The following PTPN9 variants were observed in gnomAD, a reference collection of about 807,000 sequenced individuals.
The protein encoded by PTPN9 is protein tyrosine phosphatase non-receptor type 9, also known as tyrosine-protein phosphatase non-receptor type 9.
PTPN9 carries 26 observed loss-of-function variants against 69.8 expected under a neutral mutation model. The ratio of observed to expected loss-of-function variants is 0.37; its 90% confidence interval spans 0.27 to 0.52. The LOEUF (loss-of-function observed/expected upper bound fraction) is 0.52. PTPN9 is among the 20% of genes least tolerant of loss of function. The pLI is 0.91. For synonymous variants in PTPN9, 274 were observed against 272.5 expected (o/e 1.01, Z -0.05); for missense variants, 549 against 740.3 (o/e 0.74, Z 3.00).
chr15:75,501,270 C>T (rs1281458845), intron 7 of PTPN9, among the ~76,000 whole-genome samples: 2 of 152,098 alleles, frequency 1.3e-5, no homozygotes, highest in East Asian at 3.9e-4. Context: ...AACATTTAAG[C>T]TACAAAGGTA....
At chr15:75,485,944 C>CA (rs1289012343) in intron 8 of PTPN9, among the ~76,000 whole-genome samples, 1 of 150,878 alleles carries the variant, frequency 6.6e-6, no homozygotes, top group Non-Finnish European at 1.5e-5. Flanking sequence ...ACTAAAAATA[C>CA]AAAAAATTAG....
intron 1 of PTPN9, among the ~76,000 whole-genome samples, chr15:75,539,914 G>T (rs1009990916): frequency 6.6e-6 from 1 of 152,118 alleles, no homozygotes; most frequent in African/African-American, 2.4e-5. Context: ...CAAGTAATCC[G>T]CCTCAAGCAA....
At chr15:75,567,445 G>C (rs1319707664) in intron 1 of PTPN9, among the ~76,000 whole-genome samples, 1 of 152,168 alleles carries the variant, frequency 6.6e-6, no homozygotes, top group East Asian at 1.9e-4. Context: ...GTAAAGATTA[G>C]CTAGGTGTTC....
chr15:75,545,679 C>A (rs904167885), intron 1 of PTPN9, among the ~76,000 whole-genome samples: 1 of 152,168 alleles, frequency 6.6e-6, no homozygotes, highest in Non-Finnish European at 1.5e-5. Flanking sequence ...GTGGCTCATG[C>A]CTGTAATCCC....
chr15:75,541,387 T>TTTA (rs991681305), intron 1 of PTPN9, among the ~76,000 whole-genome samples: 20 of 150,658 alleles, frequency 1.3e-4, no homozygotes, highest in Non-Finnish European at 2.5e-4. Flanking sequence ...CTGCCCTCAT[T>TTTA]TTATTATTAT....
intron 11 of PTPN9, 123 bp downstream of exon 11, chr15:75,470,553 GTCCC>G (rs1257808236): frequency 1.7e-6 from 2 of 1,154,342 alleles, no homozygotes; most frequent in Non-Finnish European, 2.5e-6. Context: ...TCCTCATCCT[GTCCC>G]TAGAAAAACA....
At chr15:75,505,654 G>A (rs988021266) in intron 7 of PTPN9, 21 bp downstream of exon 7, 12 of 1,592,202 alleles carry the variant, frequency 7.5e-6, no homozygotes, top group Non-Finnish European at 1.0e-5. Flanking sequence ...CCAGCTGCTG[G>A]CCCAAACTTT....
At chr15:75,558,808 G>C (rs1243375326) in intron 1 of PTPN9, among the ~76,000 whole-genome samples, 1 of 152,230 alleles carries the variant, frequency 6.6e-6, no homozygotes, top group African/African-American at 2.4e-5. Flanking sequence ...CGGGATTGCA[G>C]ACGGAGTCTC....
intron 1 of PTPN9, among the ~76,000 whole-genome samples, chr15:75,558,367 C>T (rs891868737): frequency 4.6e-5 from 7 of 151,960 alleles, no homozygotes; most frequent in African/African-American, 1.2e-4. Flanking sequence ...ATTAGCTGGG[C>T]GTGGTGGCAC....
At chr15:75,568,411 G>A (rs1274961456) in intron 1 of PTPN9, among the ~76,000 whole-genome samples, 2 of 151,616 alleles carry the variant, frequency 1.3e-5, no homozygotes, top group Non-Finnish European at 2.9e-5. Context: ...GGGAGGCTGA[G>A]GTAGGAGGAT....
At chr15:75,529,485 T>C (rs889699054) in intron 1 of PTPN9, among the ~76,000 whole-genome samples, 4 of 152,210 alleles carry the variant, frequency 2.6e-5, no homozygotes, top group South Asian at 4.1e-4. Context: ...GCACCTGTTA[T>C]TTGTTAAGCT....
chr15:75,575,918 CAAAAAAAAAAAAA>C (rs759810846), intron 1 of PTPN9, among the ~76,000 whole-genome samples: 2 of 39,278 alleles, frequency 5.1e-5, no homozygotes, highest in African/African-American at 1.1e-4. Context: ...GACTCCATCT[CAAAAAAAAAAAAA>C]AAAAAAAAAA....
At position 75,512,828 on chromosome 15, in the gene PTPN9, T is replaced by G. The variant is rs2074851050; in HGVS notation, c.529-3801A>C. The G allele has an allele frequency of 2.5e-5, 7 of 281,114 alleles. No homozygotes were observed. In the South Asian group the frequency reaches 3.2e-4, roughly 13 times the overall value. 17.4% of individuals were successfully genotyped at this position (281,114 alleles called of 1,614,324 possible). ...ACACCTCTGAGACAAAGGACATTAT[T>G]ATACTTTAGTAAAACTTCATCCAGA... On this transcript the variant is annotated intron_variant, in intron 5 of 12. Transcript: ENST00000618819.
intron 9 of PTPN9, among the ~76,000 whole-genome samples, chr15:75,476,536 A>G (rs1208025633): frequency 3.9e-5 from 6 of 152,254 alleles, no homozygotes; most frequent in African/African-American, 1.4e-4. Flanking sequence ...GCTGGTTTCA[A>G]ATACCTGACC....
intron 10 of PTPN9, among the ~76,000 whole-genome samples, chr15:75,472,734 G>A (rs1261311692): frequency 6.9e-6 from 1 of 145,188 alleles, no homozygotes; most frequent in East Asian, 2.0e-4. Flanking sequence ...AACTGAGATC[G>A]AGCCATTGTA....
At chr15:75,504,296 A>G (rs1351586102) in intron 7 of PTPN9, among the ~76,000 whole-genome samples, 8 of 113,868 alleles carry the variant, frequency 7.0e-5, no homozygotes, top group Admixed American at 8.9e-5. Flanking sequence ...CCCGTCCGGG[A>G]GGTGAGGGGC....
Position 75,531,780 on chromosome 15 carries a change from C to T in PTPN9, c.64-4519G>A, listed in dbSNP as rs371631595. Among the ~76,000 whole-genome samples, 78 of 151,934 alleles carry T rather than the reference C, an allele frequency of 5.1e-4. No homozygotes were observed. In the South Asian group the frequency reaches 0.016, roughly 31 times the overall value. ...TTCACCATGTTAGCTGGGATGGTCT[C>T]GATCTCCTCACCTCGTGATCCACCT... On this transcript the variant is annotated intron_variant, in intron 1 of 12. Transcript: ENST00000618819.
chr15:75,521,973 T>C (rs997566096), intron 4 of PTPN9, among the ~76,000 whole-genome samples: 1 of 152,112 alleles, frequency 6.6e-6, no homozygotes, highest in African/African-American at 2.4e-5. Context: ...ACCAAAGTGC[T>C]AGGATTACAG....
At chr15:75,564,788 C>T (rs2075119652) in intron 1 of PTPN9, among the ~76,000 whole-genome samples, 1 of 151,670 alleles carries the variant, frequency 6.6e-6, no homozygotes, top group Admixed American at 6.6e-5. Flanking sequence ...AAGACCCTCT[C>T]TCTATTAAAA....
Sources: allele counts gnomAD v4.1 joint callset (sites outside exome capture counted in the v4.1 genomes callset), GRCh38; gene constraint gnomAD v4.1.1; transcripts MANE v1.5; gene names NCBI Gene and HGNC (gene_info 2026-07-23, HGNC 2026-07-21).